The following GLIS1 variants were observed in gnomAD, a reference collection of about 807,000 sequenced individuals.
GLIS1 encodes zinc finger protein GLIS1.
GLIS1 carries 24 observed loss-of-function variants against 63.8 expected under a neutral mutation model. That is an observed-to-expected ratio of 0.38 (90% CI 0.27 to 0.53). The LOEUF (loss-of-function observed/expected upper bound fraction) is 0.53, where lower values mean the gene tolerates loss of function less well. Among genes scored for constraint, GLIS1 ranks in the 20% least tolerant of loss-of-function variants. GLIS1 has a pLI of 0.85. For missense variants in GLIS1, 1,036 were observed against 1,074.1 expected (o/e 0.96, Z 0.50); for synonymous variants, 450 against 482.5 (o/e 0.93, Z 0.88).
chr1:53,561,817 CAG>C (rs1299464991), intron 4 of GLIS1, among the ~76,000 whole-genome samples: 1 of 152,178 alleles, frequency 6.6e-6, no homozygotes, highest in Non-Finnish European at 1.5e-5. Context: ...TGCCGGCAAA[CAG>C]GGCAGGTCCA....
intron 2 of GLIS1, among the ~76,000 whole-genome samples, chr1:53,718,342 C>G (rs1000037210): frequency 6.6e-6 from 1 of 152,096 alleles, no homozygotes; most frequent in Non-Finnish European, 1.5e-5. Context: ...AGAGACGGAA[C>G]TGAGGGAACC....
Position 53,593,455 on chromosome 1 carries a change from G to A in GLIS1, c.1320+653C>T, listed in dbSNP as rs114598011. Among the ~76,000 whole-genome samples the A allele has an allele frequency of 7.0e-3, 1,070 of 152,360 alleles. 11 individuals carry two copies. Among genetic ancestry groups the A allele is most frequent in the African/African-American group, 0.024 (989 of 41,594 alleles). ...CGTGTGTGTGCACGCGTGCATGCAT[G>A]TGTGTGTGCACGTGCGCATGTACAC... is the stretch of plus-strand genomic sequence containing the variant. On this transcript the variant is annotated intron_variant, in intron 4 of 10. Coordinates refer to ENST00000628545, the MANE Select transcript of GLIS1 (RefSeq NM_001367484.1).
At chr1:53,611,061 T>G (rs1222496705) in intron 2 of GLIS1, among the ~76,000 whole-genome samples, 1 of 152,200 alleles carries the variant, frequency 6.6e-6, no homozygotes, top group Non-Finnish European at 1.5e-5. Context: ...TTTATCAATT[T>G]TCTTGAACAT....
intron 2 of GLIS1, among the ~76,000 whole-genome samples, chr1:53,638,451 G>C (rs900165321): frequency 2.6e-5 from 4 of 152,276 alleles, no homozygotes; most frequent in East Asian, 3.9e-4. Flanking sequence ...ACCCACACAG[G>C]GTTAACCAGG....
intron 2 of GLIS1, among the ~76,000 whole-genome samples, chr1:53,704,102 C>G (rs576057860): frequency 6.6e-6 from 1 of 152,368 alleles, no homozygotes; most frequent in South Asian, 2.1e-4. Context: ...CAACCCTTCT[C>G]CCTCAGTGGC....
chr1:53,645,179 C>T (rs984221406), intron 2 of GLIS1, among the ~76,000 whole-genome samples: 3 of 152,194 alleles, frequency 2.0e-5, no homozygotes, highest in Non-Finnish European at 2.9e-5. Context: ...CTTCTCCCCC[C>T]CAGACATCTG....
chr1:53,557,908 C>T (rs1390759829), intron 4 of GLIS1, among the ~76,000 whole-genome samples: 9 of 152,192 alleles, frequency 5.9e-5, no homozygotes, highest in Non-Finnish European at 1.3e-4. Flanking sequence ...AAGCAGAAAA[C>T]ACATAAATAA....
At chr1:53,638,409 A>G (rs1478941441) in intron 2 of GLIS1, among the ~76,000 whole-genome samples, 1 of 152,162 alleles carries the variant, frequency 6.6e-6, no homozygotes, top group Non-Finnish European at 1.5e-5. Context: ...CCCCCAGGCC[A>G]GTTCAGGCCC....
intron 2 of GLIS1, among the ~76,000 whole-genome samples, chr1:53,725,592 C>A (rs1030381122): frequency 1.2e-4 from 19 of 152,320 alleles, no homozygotes; most frequent in Admixed American, 1.1e-3. Context: ...CAAACACCGA[C>A]CCTCCAGGCT....
chr1:53,562,501 C>A (rs1644901821), intron 4 of GLIS1, among the ~76,000 whole-genome samples: 1 of 152,140 alleles, frequency 6.6e-6, no homozygotes, highest in South Asian at 2.1e-4. Flanking sequence ...AAGACTAGCA[C>A]CCCAGACCAC....
intron 2 of GLIS1, among the ~76,000 whole-genome samples, chr1:53,652,112 T>C (rs1645915524): frequency 6.6e-6 from 1 of 152,210 alleles, no homozygotes; most frequent in Non-Finnish European, 1.5e-5. Flanking sequence ...AAATCTCAGA[T>C]ATGCACTTCC....
Position 53,595,031 on chromosome 1 carries a change from C to T in GLIS1, c.438-41G>A, listed in dbSNP as rs555724243. 465 of 1,379,946 alleles carry T rather than the reference C, an allele frequency of 3.4e-4. 1 individual carries two copies. Among genetic ancestry groups the T allele is most frequent in the Non-Finnish European group, 4.2e-4 (448 of 1,070,854 alleles). The allele number at this position is 1,379,946 out of a possible 1,614,324, so 85.5% of individuals were successfully genotyped here. ...CAGAGAGGTCATGAGAGGCTGGGCT[C>T]GCCACAGAGGGAAGGCTCAGGTGGG... On this transcript the variant is annotated intron_variant, in intron 3 of 10. Transcript: ENST00000628545.
At chr1:53,677,090 T>C (rs1192088265) in intron 2 of GLIS1, among the ~76,000 whole-genome samples, 1 of 152,188 alleles carries the variant, frequency 6.6e-6, no homozygotes, top group African/African-American at 2.4e-5. Context: ...CCTTCCCCTG[T>C]CCCGCTACCC....
At chr1:53,630,410 C>T (rs772249817) in intron 2 of GLIS1, among the ~76,000 whole-genome samples, 2 of 152,168 alleles carry the variant, frequency 1.3e-5, no homozygotes, top group Non-Finnish European at 2.9e-5. Context: ...ATTTTCCAGG[C>T]TCATGGAACA....
intron 5 of GLIS1, among the ~76,000 whole-genome samples, chr1:53,527,058 C>T (rs953457827): frequency 2.0e-5 from 3 of 152,182 alleles, no homozygotes; most frequent in African/African-American, 7.2e-5. Flanking sequence ...ACCAGCCATC[C>T]GCCATCTCCC....
chr1:53,617,558 G>T (rs530766136), intron 2 of GLIS1, among the ~76,000 whole-genome samples: 2 of 152,352 alleles, frequency 1.3e-5, no homozygotes, highest in East Asian at 3.9e-4. Context: ...CTGTGTGTTT[G>T]CAGCCATCAA....
At chr1:53,547,439 A>G (rs1288628818) in intron 4 of GLIS1, among the ~76,000 whole-genome samples, 1 of 152,256 alleles carries the variant, frequency 6.6e-6, no homozygotes, top group African/African-American at 2.4e-5. Context: ...TCCCCTCGTC[A>G]GCACGGAACC....
At chr1:53,729,583 T>A (rs1192736529) in intron 2 of GLIS1, among the ~76,000 whole-genome samples, 1 of 148,516 alleles carries the variant, frequency 6.7e-6, no homozygotes, top group Non-Finnish European at 1.5e-5. Flanking sequence ...CATCAGCACA[T>A]AAAGCAACTT....
chr1:53,635,296 T>G (rs1381954456), intron 2 of GLIS1, among the ~76,000 whole-genome samples: 1 of 152,086 alleles, frequency 6.6e-6, no homozygotes, highest in African/African-American at 2.4e-5. Flanking sequence ...ACATGTCCTC[T>G]GGCCACATGT....
Sources: allele counts gnomAD v4.1 joint callset (sites outside exome capture counted in the v4.1 genomes callset), GRCh38; gene constraint gnomAD v4.1.1; transcripts MANE v1.5; gene names NCBI Gene and HGNC (gene_info 2026-07-23, HGNC 2026-07-21).